MIGA1: variants seen among roughly 807,000 people sequenced by gnomAD.
MIGA1 encodes family with sequence similarity 73, member A.
A neutral mutation model predicts 82.0 loss-of-function variants in MIGA1; 58 were observed. The ratio of observed to expected loss-of-function variants is 0.71; its 90% CI spans 0.57 to 0.88. The LOEUF (loss-of-function observed/expected upper bound fraction) is 0.88, where lower values mean the gene tolerates loss of function less well. Ranked by LOEUF, MIGA1 falls within the 40% of genes least tolerant of loss-of-function variation. The pLI, the probability that MIGA1 is intolerant of heterozygous loss-of-function variation, is 0.00. For missense variants in MIGA1, 751 were observed against 749.1 expected, an observed-to-expected ratio of 1.00 and a Z score of -0.03; for synonymous variants, 249 against 253.6, an observed-to-expected ratio of 0.98 and a Z score of 0.17.
chr1:77,866,400 C>T lies in MIGA1; in HGVS notation c.1563+9C>T, dbSNP rs750228622. The T allele has an allele frequency of 1.2e-5, 19 of 1,612,868 alleles. No homozygotes were observed. The highest frequency in any genetic ancestry group is 1.1e-4 in the African/African-American group (8 of 74,830). On this transcript the variant is annotated intron_variant, in intron 14 of 15. Transcript: ENST00000370791. The stretch of plus-strand genomic sequence containing the variant: ...AAAGACAACAGATGAAGGTAAAATT[C>T]GTTATGTCCTGAATTCCTTTGTTAA...
chr1:77,829,040 T>C (rs890281456), intron 7 of MIGA1, among the ~76,000 whole-genome samples: 2 of 152,202 alleles, frequency 1.3e-5, no homozygotes, highest in African/African-American at 2.4e-5. Context: ...GTGCTTTCTA[T>C]GTATTGTTTA....
At position 77,863,951 on chromosome 1, in the gene MIGA1, GA is replaced by G. The variant is rs750705150; in HGVS notation, c.1434del (p.Asp479IlefsTer12). On this transcript the variant is annotated frameshift_variant, in exon 13 of 16. Coordinates refer to ENST00000370791, the MANE Select transcript of MIGA1 (RefSeq NM_198549.4). LOFTEE classifies it high-confidence loss of function. ...GGATTTTATATTAATGGACTCCTTT[GA>G]AGATTTGGAAAACCCACCCACATCC... is the stretch of plus-strand genomic sequence containing the variant. The G allele has an allele frequency of 1.2e-6, 2 of 1,602,500 alleles. No homozygotes were observed. Among genetic ancestry groups the G allele is most frequent in the Non-Finnish European group, 1.7e-6 (2 of 1,175,160 alleles).
At chr1:77,874,001 A>G (rs113336855) in intron 15 of MIGA1, among the ~76,000 whole-genome samples, 3 of 152,186 alleles carry the variant, frequency 2.0e-5, no homozygotes, top group African/African-American at 4.8e-5. Flanking sequence ...CCTTTTATCT[A>G]TAAAACGAGG....
chr1:77,796,193 A>G (rs1212040549), intron 2 of MIGA1, among the ~76,000 whole-genome samples: 4 of 149,930 alleles, frequency 2.7e-5, no homozygotes, highest in African/African-American at 9.9e-5. Flanking sequence ...ATCTCGGCTC[A>G]CTGCAAGCTC....
chr1:77,797,382 G>A (rs965830096), intron 2 of MIGA1, among the ~76,000 whole-genome samples: 2 of 152,158 alleles, frequency 1.3e-5, no homozygotes, highest in Non-Finnish European at 2.9e-5. Context: ...CGTCCACACT[G>A]TATTGCCTGT....
chr1:77,811,393 T>G, intron 5 of MIGA1: 1 of 1,603,148 alleles, frequency 6.2e-7, no homozygotes, highest in Non-Finnish European at 8.5e-7. Flanking sequence ...TTCTTCAAAT[T>G]CCAAATTCTC....
chr1:77,799,791 A>T (rs1570932802), intron 2 of MIGA1, among the ~76,000 whole-genome samples: 2 of 141,572 alleles, frequency 1.4e-5, no homozygotes. Context: ...GATTTTGGTA[A>T]TTTGTGTCAT....
chr1:77,815,302 T>C, intron 7 of MIGA1, 71 bp downstream of exon 7: 1 of 1,277,400 alleles, frequency 7.8e-7, no homozygotes. Context: ...ATCATCTGCA[T>C]AAGTGTCTGT....
In MIGA1 at chr1:77,811,736, A is replaced by G. The variant is rs1242422822; in HGVS notation, c.638-1998A>G. Reference sequence around the variant, plus strand: ...GAGTCGAAGTCGGCGCCTCTCCTAAAACTGGCGCCCCAGCGCTGCAGCAGA... The same window carrying G: ...GAGTCGAAGTCGGCGCCTCTCCTAAGACTGGCGCCCCAGCGCTGCAGCAGA... On this transcript the variant is annotated intron_variant, in intron 5 of 15. Coordinates refer to ENST00000370791, the MANE Select transcript of MIGA1 (RefSeq NM_198549.4). 9 of 1,610,762 alleles carry G rather than the reference A, an allele frequency of 5.6e-6. No individual in the cohort carries two copies. In the East Asian group the frequency reaches 1.8e-4, roughly 32 times the overall value.
chr1:77,813,551 C>T (rs1355927262), intron 5 of MIGA1, among the ~76,000 whole-genome samples, 183 bp from the exon 6 acceptor site: 3 of 152,144 alleles, frequency 2.0e-5, no homozygotes, highest in Non-Finnish European at 4.4e-5. Flanking sequence ...TTTTGGTTAA[C>T]TGGAACCATA....
In MIGA1 at chr1:77,815,129, A is replaced by T. The variant is rs755719015; in HGVS notation, c.793A>T (p.Ile265Phe). The change falls in exon 7 of 16, where the codon ATC becomes TTC. Residue 265 changes from isoleucine (I) to phenylalanine (F), a missense_variant. Physicochemically the swap from Ile to Phe is conservative, Grantham distance 21 (BLOSUM62 0). Transcript: ENST00000370791. ...GTAGGATATTATTAGTACTGAATTT[A>T]TCCATAAACTCGAAGCTCTGCTGCA... 1.9e-6 allele frequency: 3 copies of T among 1,596,370 alleles called. No homozygotes were observed. The Admixed American group carries it at 5.1e-5, about 27-fold the overall frequency.
intron 1 of MIGA1, among the ~76,000 whole-genome samples, chr1:77,780,871 CA>C (rs985306747): frequency 4.7e-5 from 7 of 149,216 alleles, no homozygotes; most frequent in Non-Finnish European, 8.9e-5. Flanking sequence ...AGTTAGAATG[CA>C]AAAATAGAGG....
In MIGA1 at chr1:77,878,856, C is replaced by T. The variant is rs190503062; in HGVS notation, c.*3792C>T. On this transcript the variant is annotated 3_prime_UTR_variant, in exon 16 of 16. Coordinates refer to ENST00000370791, the MANE Select transcript of MIGA1 (RefSeq NM_198549.4). ...GTAAGCTCCAAAGAACTTTGTCTTTCTCATAAAGTAATATTCTTTATTTGC... is the reference window on the plus strand; with the variant it reads ...GTAAGCTCCAAAGAACTTTGTCTTTTTCATAAAGTAATATTCTTTATTTGC... The T allele has an allele frequency of 1.1e-4, 40 of 373,164 alleles. No homozygotes were observed. Among genetic ancestry groups the T allele is most frequent in the East Asian group, 8.9e-4 (24 of 26,990 alleles). The allele number at this position is 373,164 out of a possible 1,614,324, so 23.1% of individuals were successfully genotyped here. A position where few individuals can be genotyped will look rare whatever the true frequency, so the allele number is the denominator to read the frequency against.
chr1:77,868,491 T>G (rs2101966622), intron 14 of MIGA1: 2 of 152,388 alleles, frequency 1.3e-5, no homozygotes, highest in South Asian at 4.1e-4. Context: ...CCTCCCAAAG[T>G]GCTGGGATTT....
At chr1:77,802,068 G>A (rs1273006519) in intron 3 of MIGA1, among the ~76,000 whole-genome samples, 3 of 152,040 alleles carry the variant, frequency 2.0e-5, no homozygotes, top group African/African-American at 7.2e-5. Flanking sequence ...GTAAGTTGCT[G>A]TCTTTTAAAG....
At chr1:77,859,653 G>A (rs1164194936) in intron 10 of MIGA1, 4 of 404,260 alleles carry the variant, frequency 9.9e-6, no homozygotes, top group Non-Finnish European at 1.3e-5. Flanking sequence ...AAAAATGGCT[G>A]CTTAAAATAA....
At chr1:77,804,600 A>G (rs1481478403) in intron 4 of MIGA1, among the ~76,000 whole-genome samples, 1 of 152,082 alleles carries the variant, frequency 6.6e-6, no homozygotes, top group Non-Finnish European at 1.5e-5. Flanking sequence ...ATTCCCCGCC[A>G]TGGAGATAAA....
At chr1:77,805,461 C>CTTTTTTTTTTTTTTT (rs11408292) in intron 4 of MIGA1, among the ~76,000 whole-genome samples, 3 of 110,398 alleles carry the variant, frequency 2.7e-5, no homozygotes, top group Non-Finnish European at 5.3e-5. Context: ...TATGCCTATT[C>CTTTTTTTTTTTTTTT]TTTTTTTTTT....
chr1:77,801,405 T>C lies in MIGA1; in HGVS notation c.270T>C (p.Ala90=), dbSNP rs1291335027. ...GTGCTATATCTGTAATTTTTCTGGC[T>C]CATCACTTTAAAAGAAAACGTGGAA... Residue 90 remains alanine (A), a synonymous_variant, in exon 3 of 16, where the codon GCT becomes GCC. Transcript: ENST00000370791. 6.2e-7 allele frequency: 1 copy of C among 1,608,300 alleles called. No homozygotes were observed. Among genetic ancestry groups the C allele is most frequent in the Non-Finnish European group, 8.5e-7 (1 of 1,178,970 alleles).
Sources: gnomAD v4.1 joint callset for allele counts (sites outside exome capture counted in the v4.1 genomes callset) on GRCh38, gnomAD v4.1.1 for gene constraint, MANE v1.5 for transcripts, NCBI Gene and HGNC (gene_info 2026-07-23, HGNC 2026-07-21) for gene names.